The following WWOX variants were observed in gnomAD, a reference collection of about 807,000 sequenced individuals.
WWOX encodes WW domain-containing oxidoreductase.
Under a neutral mutation model 46.2 loss-of-function variants are expected in WWOX, and 69 were observed. That is an observed-to-expected ratio of 1.49 (90% CI 1.23 to 1.82). The LOEUF (loss-of-function observed/expected upper bound fraction) is 1.82, where lower values mean the gene tolerates loss of function less well. WWOX is among the 40% of genes most tolerant of loss of function. WWOX has a pLI of 0.00. For missense variants in WWOX, 919 were observed against 542.6 expected (o/e 1.69, Z -6.89); for synonymous variants, 359 against 202.6 (o/e 1.77, Z -6.56).
chr16:78,101,336 C>A (rs1257349226), intron 1 of WWOX, among the ~76,000 whole-genome samples: 1 of 65,714 alleles, frequency 1.5e-5, no homozygotes, highest in Admixed American at 2.0e-4. Flanking sequence ...CGTGAGCTAC[C>A]GCTCCCGGCC....
rs531137322 is a variant in WWOX at position 79,180,046 on chromosome 16, A to C, written c.1057-31562A>C. ...AGATGGTTGTTGTCTTGAGGTTTCC[A>C]CTGAGTTGCTTTTTGAGAGATTCTA... On this transcript the variant is annotated intron_variant, in intron 8 of 8. Coordinates refer to ENST00000566780, the MANE Select transcript of WWOX (RefSeq NM_016373.4). Among the ~76,000 whole-genome samples the C allele has an allele frequency of 3.0e-4, 46 of 151,912 alleles. No individual in the cohort carries two copies. The East Asian group carries it at 8.9e-3, about 29-fold the overall frequency.
At chr16:78,149,552 A>C (rs1457452675) in intron 4 of WWOX, among the ~76,000 whole-genome samples, 1 of 152,222 alleles carries the variant, frequency 6.6e-6, no homozygotes, top group Non-Finnish European at 1.5e-5. Flanking sequence ...AAGAGACCTC[A>C]ATTCTGTGCC....
In WWOX at chr16:78,540,624, G is replaced by C. The variant is rs142249883; in HGVS notation, c.1056+107872G>C. On this transcript the variant is annotated intron_variant, in intron 8 of 8. Transcript: ENST00000566780. ...GAGTGGTTACACCCTGGGCTTGTTA[G>C]CTCCTACCTGAGCTCTGAGTTTCTG... 5.3e-3 allele frequency among the ~76,000 whole-genome samples: 800 copies of C among 152,064 alleles called. 4 individuals are homozygous for C. Among genetic ancestry groups the C allele is most frequent in the Non-Finnish European group, 8.5e-3 (577 of 67,988 alleles).
chr16:78,600,988 C>T (rs937413276), intron 8 of WWOX, among the ~76,000 whole-genome samples: 1 of 152,124 alleles, frequency 6.6e-6, no homozygotes, highest in Admixed American at 6.5e-5. Flanking sequence ...TTCTGCCATC[C>T]CTCTGTCACT....
intron 8 of WWOX, among the ~76,000 whole-genome samples, chr16:79,195,738 A>G (rs188100566): frequency 3.0e-4 from 46 of 152,348 alleles, no homozygotes; most frequent in African/African-American, 1.1e-3. Context: ...AGTCAGATTC[A>G]AGAAGTGTGT....
chr16:78,623,641 G>C (rs1177275808), intron 8 of WWOX, among the ~76,000 whole-genome samples: 1 of 151,552 alleles, frequency 6.6e-6, no homozygotes, highest in African/African-American at 2.4e-5. Flanking sequence ...GTGGCAGCTG[G>C]GACATTAACC....
At chr16:78,848,300 G>GA (rs5818182) in intron 8 of WWOX, among the ~76,000 whole-genome samples, 12,121 of 152,124 alleles carry the variant, frequency 0.08, 663 homozygotes, top group Non-Finnish European at 0.12. Context: ...TGTTAATGTT[G>GA]AAAAAATCTT....
intron 8 of WWOX, among the ~76,000 whole-genome samples, chr16:79,000,354 C>T (rs1231030638): frequency 6.6e-6 from 1 of 152,118 alleles, no homozygotes; most frequent in Non-Finnish European, 1.5e-5. Flanking sequence ...TGGGAGGTTA[C>T]ATGGCAGATG....
intron 8 of WWOX, among the ~76,000 whole-genome samples, chr16:78,823,141 A>G (rs1484189197): frequency 1.3e-5 from 2 of 152,244 alleles, no homozygotes; most frequent in East Asian, 3.8e-4. Flanking sequence ...TCTGTGAATT[A>G]ATACTCCGGC....
At chr16:78,387,862 C>T (rs995352221) in intron 6 of WWOX, among the ~76,000 whole-genome samples, 2 of 151,994 alleles carry the variant, frequency 1.3e-5, no homozygotes, top group African/African-American at 4.8e-5. Context: ...GATAATTACA[C>T]AAGAGGCACC....
At chr16:79,069,803 G>C (rs936905747) in intron 8 of WWOX, among the ~76,000 whole-genome samples, 7 of 152,138 alleles carry the variant, frequency 4.6e-5, no homozygotes, top group Non-Finnish European at 8.8e-5. Context: ...GGGTTAACCT[G>C]TGTTTTGCTA....
chr16:78,827,322 G>A (rs2051684873), intron 8 of WWOX, among the ~76,000 whole-genome samples: 1 of 152,124 alleles, frequency 6.6e-6, no homozygotes, highest in Admixed American at 6.5e-5. Context: ...ATGTGTGGGG[G>A]AAGCACGATG....
rs539898165 is a variant in WWOX at position 78,281,792 on chromosome 16, G to T, written c.517-105068G>T. On this transcript the variant is annotated intron_variant, in intron 5 of 8. Transcript: ENST00000566780. The stretch of plus-strand genomic sequence containing the variant: ...CTGTGTGCTGTATAAGAACACAGCC[G>T]TGTTTGGCCCAGCGGTTATAGTTTG... Among the ~76,000 whole-genome samples the T allele has an allele frequency of 2.0e-5, 3 of 152,048 alleles. No individual in the cohort carries two copies. In the East Asian group the frequency reaches 5.8e-4, roughly 29 times the overall value.
At chr16:78,212,377 G>T (rs1296387306) in intron 5 of WWOX, among the ~76,000 whole-genome samples, 1 of 152,254 alleles carries the variant, frequency 6.6e-6, no homozygotes, top group Non-Finnish European at 1.5e-5. Flanking sequence ...GGACAGGGAA[G>T]TGTAATCCTA....
At chr16:78,351,923 C>G (rs1212726672) in intron 5 of WWOX, among the ~76,000 whole-genome samples, 2 of 152,178 alleles carry the variant, frequency 1.3e-5, no homozygotes, top group African/African-American at 4.8e-5. Flanking sequence ...TCCCAAAGTG[C>G]TGGGATTATA....
intron 8 of WWOX, among the ~76,000 whole-genome samples, chr16:78,869,655 T>C (rs968524771): frequency 1.3e-5 from 2 of 152,218 alleles, no homozygotes; most frequent in African/African-American, 4.8e-5. Flanking sequence ...GGTATTTTTG[T>C]GGACGTGGGG....
At chr16:79,163,092 G>C (rs2050519023) in intron 8 of WWOX, among the ~76,000 whole-genome samples, 1 of 152,200 alleles carries the variant, frequency 6.6e-6, no homozygotes, top group Non-Finnish European at 1.5e-5. Flanking sequence ...ACCAGTGTTT[G>C]TTGACAAGCG....
intron 5 of WWOX, among the ~76,000 whole-genome samples, chr16:78,213,426 A>G (rs1364268778): frequency 2.0e-5 from 3 of 151,840 alleles, no homozygotes; most frequent in Non-Finnish European, 4.4e-5. Context: ...AAAGCAAGGC[A>G]ATGGTCATGC....
intron 8 of WWOX, among the ~76,000 whole-genome samples, chr16:78,913,040 G>A (rs2045153008): frequency 6.6e-6 from 1 of 152,016 alleles, no homozygotes; most frequent in South Asian, 2.1e-4. Flanking sequence ...ACAGGTCTGA[G>A]TGTTTTTTTC....
Sources: allele counts gnomAD v4.1 joint callset (sites outside exome capture counted in the v4.1 genomes callset), GRCh38; gene constraint gnomAD v4.1.1; transcripts MANE v1.5; gene names NCBI Gene and HGNC (gene_info 2026-07-23, HGNC 2026-07-21).